ZC3H12B: variants seen among roughly 807,000 people sequenced by gnomAD.
The protein encoded by ZC3H12B is probable ribonuclease ZC3H12B.
Under a neutral mutation model 43.9 loss-of-function variants are expected in ZC3H12B, and 7 were observed. That is an observed-to-expected ratio of 0.16 (90% CI 0.09 to 0.30). The LOEUF (loss-of-function observed/expected upper bound fraction) is 0.30, where lower values mean the gene tolerates loss of function less well. ZC3H12B is among the 10% of genes least tolerant of loss of function. The pLI, the probability that ZC3H12B is intolerant of heterozygous loss-of-function variation, is 1.00. For synonymous variants in ZC3H12B, 222 were observed against 241.7 expected (o/e 0.92, Z 0.76); for missense variants, 475 against 670.2 (o/e 0.71, Z 3.22).
At chrX:65,096,158 C>T in the ZC3H12B span, among the ~76,000 whole-genome samples, 28 of 97,542 alleles carry the variant, frequency 2.9e-4, no homozygotes, top group Admixed American at 1.9e-3. Flanking sequence ...TCTTTGTAAT[C>T]GAATTATATA....
the ZC3H12B span, among the ~76,000 whole-genome samples, chrX:65,278,428 A>G: frequency 8.9e-6 from 1 of 111,751 alleles, no homozygotes; most frequent in African/African-American, 3.2e-5. Flanking sequence ...CCTGTTTAGC[A>G]TAGAATCAAG....
the ZC3H12B span, among the ~76,000 whole-genome samples, chrX:65,157,319 T>C: frequency 8.9e-6 from 1 of 112,527 alleles, no homozygotes; most frequent in South Asian, 3.6e-4. Flanking sequence ...TCTTTTTTGA[T>C]TTAATAAGAT....
At chrX:65,370,615 T>A (rs753368005) in intron 2 of ZC3H12B, among the ~76,000 whole-genome samples, 33 of 112,032 alleles carry the variant, frequency 2.9e-4, no homozygotes, top group Non-Finnish European at 5.8e-4. Context: ...AAAAATAACA[T>A]GACCTTCAGC....
the ZC3H12B span, among the ~76,000 whole-genome samples, chrX:65,231,508 CCTTAT>C: frequency 1.8e-5 from 2 of 110,843 alleles, no homozygotes; most frequent in African/African-American, 6.6e-5. Flanking sequence ...GTATCTCAAT[CCTTAT>C]CTTAACCACA....
rs776899396 is a variant in ZC3H12B at position 65,419,904 on chromosome X, A to G, written n.407+21200A>G. On this transcript the variant is annotated intron_variant and non_coding_transcript_variant, in intron 3 of 5. Coordinates refer to the ZC3H12B transcript ENST00000617377. The stretch of plus-strand genomic sequence containing the variant: ...AGTAGTCTCAGGCTTCAGTGGACCC[A>G]GGATCCAGGCTCATTCTACCAGATA... 2.4e-4 allele frequency among the ~76,000 whole-genome samples: 27 copies of G among 111,543 alleles called. No homozygotes were observed. In the East Asian group the frequency reaches 2.9e-3, roughly 12 times the overall value.
the ZC3H12B span, among the ~76,000 whole-genome samples, chrX:65,068,212 A>C: frequency 1.0e-5 from 1 of 98,554 alleles, no homozygotes; most frequent in Non-Finnish European, 2.0e-5. Flanking sequence ...TTCATTGGAG[A>C]GTTTTGTCCC....
intron 3 of ZC3H12B, among the ~76,000 whole-genome samples, chrX:65,462,825 A>G (rs1293647341): frequency 8.9e-6 from 1 of 112,668 alleles, no homozygotes; most frequent in Non-Finnish European, 1.9e-5. Flanking sequence ...TCGCATGTTC[A>G]TTGTAGCACT....
chrX:65,392,614 C>T (rs183885612), intron 2 of ZC3H12B, among the ~76,000 whole-genome samples: 72 of 110,841 alleles, frequency 6.5e-4, no homozygotes, highest in Non-Finnish European at 9.9e-4. Flanking sequence ...GCCCAGCAGC[C>T]GCCCCGTCTG....
rs753761609 is a variant in ZC3H12B at position 65,446,383 on chromosome X, C to T, written n.408-42263C>T. ...TTACTGGGTCACATGCATCCAAAATCCACTGTATCTAAGCCCAGCACAGCA... is the reference window on the plus strand; with the variant it reads ...TTACTGGGTCACATGCATCCAAAATTCACTGTATCTAAGCCCAGCACAGCA... On this transcript the variant is annotated intron_variant and non_coding_transcript_variant, in intron 3 of 5. Coordinates refer to the ZC3H12B transcript ENST00000617377. 4.6e-4 allele frequency among the ~76,000 whole-genome samples: 51 copies of T among 111,826 alleles called. 1 individual carries two copies. The Middle Eastern group carries it at 0.018, about 40-fold the overall frequency.
chrX:65,211,740 AT>A, the ZC3H12B span, among the ~76,000 whole-genome samples: 2 of 85,419 alleles, frequency 2.3e-5, no homozygotes, highest in Non-Finnish European at 4.3e-5. Flanking sequence ...AATAATATAT[AT>A]ATTATATAAT....
upstream of ZC3H12B, among the ~76,000 whole-genome samples, chrX:65,364,234 G>A (rs865987260): frequency 9.1e-6 from 1 of 110,327 alleles, no homozygotes; most frequent in Non-Finnish European, 1.9e-5. Context: ...CTTAACTCGA[G>A]CCCTCACTCT....
At chrX:65,056,594 T>C in the ZC3H12B span, among the ~76,000 whole-genome samples, 3 of 111,929 alleles carry the variant, frequency 2.7e-5, no homozygotes, top group African/African-American at 9.8e-5. Flanking sequence ...GTTCTGTAGA[T>C]GTCTATTAGG....
the ZC3H12B span, among the ~76,000 whole-genome samples, chrX:65,331,423 G>A: frequency 9.0e-6 from 1 of 111,364 alleles, no homozygotes; most frequent in Non-Finnish European, 1.9e-5. Flanking sequence ...TTTATACATG[G>A]AATCTAAAAT....
the ZC3H12B span, among the ~76,000 whole-genome samples, chrX:65,316,121 A>G: frequency 8.9e-6 from 1 of 111,979 alleles, no homozygotes; most frequent in Admixed American, 9.5e-5. Flanking sequence ...GACAAAAATA[A>G]AAAAAGGAAA....
chrX:65,193,487 C>T, the ZC3H12B span, among the ~76,000 whole-genome samples: 1 of 111,394 alleles, frequency 9.0e-6, no homozygotes, highest in African/African-American at 3.3e-5. Flanking sequence ...TGTAATGTTT[C>T]CTTTTTATCT....
At chrX:65,309,849 G>A in the ZC3H12B span, among the ~76,000 whole-genome samples, 19 of 111,858 alleles carry the variant, frequency 1.7e-4, no homozygotes, top group African/African-American at 6.2e-4. Flanking sequence ...TTCAACATAA[G>A]CAAATCAATA....
At chrX:65,216,113 A>G in the ZC3H12B span, among the ~76,000 whole-genome samples, 1 of 111,777 alleles carries the variant, frequency 8.9e-6, no homozygotes, top group Non-Finnish European at 1.9e-5. Context: ...CCACAGGAAC[A>G]TTGAATTAAA....
the ZC3H12B span, among the ~76,000 whole-genome samples, chrX:65,195,903 C>T: frequency 2.7e-5 from 3 of 112,100 alleles, no homozygotes; most frequent in Non-Finnish European, 5.6e-5. Flanking sequence ...TTAATCTTTA[C>T]TCTCTAGTGG....
At chrX:65,131,363 T>G in the ZC3H12B span, among the ~76,000 whole-genome samples, 1 of 111,171 alleles carries the variant, frequency 9.0e-6, no homozygotes, top group Admixed American at 9.6e-5. Context: ...GATACAGTCA[T>G]GGGGGTGGAG....
Sources: gnomAD v4.1 joint callset for allele counts (sites outside exome capture counted in the v4.1 genomes callset) on GRCh38, gnomAD v4.1.1 for gene constraint, MANE v1.5 for transcripts, NCBI Gene and HGNC (gene_info 2026-07-23, HGNC 2026-07-21) for gene names.